Variants in PPP1R13B observed in about 807,000 individuals in gnomAD.
The protein encoded by PPP1R13B is protein phosphatase 1 regulatory subunit 13B, also known as apoptosis-stimulating of p53 protein 1.
In PPP1R13B, 44 loss-of-function variants were observed where a neutral mutation model predicts 119.8. The ratio of observed to expected loss-of-function variants is 0.37; its 90% CI spans 0.29 to 0.47. The LOEUF is 0.47. Ranked by LOEUF, PPP1R13B falls within the 20% of genes least tolerant of loss-of-function variation. The probability of loss-of-function intolerance (pLI) is 0.99; values close to 1 mark genes in which losing one functional copy is unlikely to be tolerated. For synonymous variants in PPP1R13B, 542 were observed against 561.5 expected (o/e 0.97, Z 0.49); for missense variants, 1,227 against 1,413.5 (o/e 0.87, Z 2.12).
In PPP1R13B at chr14:103,738,788, C is replaced by T. The variant is rs371516387; in HGVS notation, c.2755G>A (p.Asp919Asn). The T allele has an allele frequency of 2.5e-6, 4 of 1,614,076 alleles. No homozygotes were observed. Among genetic ancestry groups the T allele is most frequent in the Admixed American group, 1.7e-5 (1 of 60,008 alleles). Reference sequence around the variant, plus strand: ...TTGTGCAGTGGGGTGATCCCTTCGTCGTTGGGCTTGCTGGGATCTTCCACC... The same window carrying T: ...TTGTGCAGTGGGGTGATCCCTTCGTTGTTGGGCTTGCTGGGATCTTCCACC... ...YEVEDPSKPN[D>N]EGITPLHNAV... is the part of the protein sequence containing the mutation. Residue 919 changes from aspartate to asparagine, a missense_variant, in exon 14 of 17, where the codon GAC (aspartate) becomes AAC (asparagine). Asp to Asn is a conservative substitution (Grantham distance 23). Coordinates refer to ENST00000202556, the MANE Select transcript of PPP1R13B (RefSeq NM_015316.3). This position sits in a 1 kb window ranked among gnomAD's most constrained non-coding sequence, Gnocchi z 5.6.
At chr14:103,786,500 C>G (rs2085464616) in intron 2 of PPP1R13B, among the ~76,000 whole-genome samples, 1 of 152,040 alleles carries the variant, frequency 6.6e-6, no homozygotes, top group Admixed American at 6.6e-5. Flanking sequence ...TGGGGTGACT[C>G]ACGCCTGTAA....
At chr14:103,821,813 A>G (rs2152069655) in intron 1 of PPP1R13B, among the ~76,000 whole-genome samples, 1 of 152,218 alleles carries the variant, frequency 6.6e-6, no homozygotes, top group South Asian at 2.1e-4. Context: ...AAATAGATCT[A>G]TAATATGATT....
chr14:103,754,758 A>G lies in PPP1R13B; in HGVS notation c.457-514T>C, dbSNP rs774754503. ...AAATAGTAAGAGCTGCGGGATTTTT[A>G]AGAGAGAGGGTTTTCTTTTTCTTCT... On this transcript the variant is annotated intron_variant, in intron 5 of 16. Coordinates refer to ENST00000202556, the MANE Select transcript of PPP1R13B (RefSeq NM_015316.3). 8.1e-4 allele frequency among the ~76,000 whole-genome samples: 123 copies of G among 151,904 alleles called. 1 individual carries two copies. Among genetic ancestry groups the G allele is most frequent in the Non-Finnish European group, 1.4e-3 (92 of 67,946 alleles).
Position 103,739,932 on chromosome 14 carries a change from G to A in PPP1R13B, c.2484C>T (p.Pro828=), listed in dbSNP as rs1373378726. 5.0e-6 allele frequency: 8 copies of A among 1,614,016 alleles called. No homozygotes were observed. Among genetic ancestry groups the A allele is most frequent in the Non-Finnish European group, 6.8e-6 (8 of 1,180,044 alleles). The change falls in exon 12 of 17, where the codon CCC becomes CCT. Residue 828 remains proline, a synonymous_variant. Coordinates refer to ENST00000202556, the MANE Select transcript of PPP1R13B (RefSeq NM_015316.3). ...CAGGACTCGGGATCTGCTCCGTGGT[G>A]GGGACCGTGGCCACGTTGTTGTTAT... ...EDNNNNVATV[P]TTEQIPSPVA...
intron 1 of PPP1R13B, among the ~76,000 whole-genome samples, chr14:103,829,811 C>T (rs1158908690): frequency 6.6e-6 from 1 of 152,034 alleles, no homozygotes; most frequent in African/African-American, 2.4e-5. Context: ...ACGCAGTCTC[C>T]CTCTGTCACC....
At chr14:103,821,525 G>A (rs900062454) in intron 1 of PPP1R13B, among the ~76,000 whole-genome samples, 1 of 152,202 alleles carries the variant, frequency 6.6e-6, no homozygotes, top group Admixed American at 6.5e-5. Flanking sequence ...GCTGAGGTGG[G>A]CGGATCACCT....
intron 1 of PPP1R13B, among the ~76,000 whole-genome samples, chr14:103,835,595 A>C (rs1175669381): frequency 1.4e-5 from 2 of 145,930 alleles, no homozygotes; most frequent in African/African-American, 2.6e-5. Context: ...ATGTCCTGCT[A>C]ATTTTTATTT....
chr14:103,800,497 A>T (rs938396045), intron 1 of PPP1R13B, among the ~76,000 whole-genome samples: 3 of 151,890 alleles, frequency 2.0e-5, no homozygotes, highest in Non-Finnish European at 4.4e-5. Flanking sequence ...TACTAAAAAT[A>T]CAAAAAATTA....
At chr14:103,827,681 ATATAC>A (rs1240736910) in intron 1 of PPP1R13B, among the ~76,000 whole-genome samples, 28 of 149,780 alleles carry the variant, frequency 1.9e-4, no homozygotes, top group African/African-American at 6.6e-4. Flanking sequence ...TATAGATATG[ATATAC>A]TATATCATTA....
intron 6 of PPP1R13B, among the ~76,000 whole-genome samples, chr14:103,753,476 G>A (rs2084598073): frequency 6.6e-6 from 1 of 152,148 alleles, no homozygotes; most frequent in Admixed American, 6.5e-5. Context: ...TGAGACCAAA[G>A]GTTTTGTGAA....
chr14:103,749,862 T>C lies in PPP1R13B; in HGVS notation c.901A>G (p.Met301Val). The C allele has an allele frequency of 2.5e-6, 4 of 1,614,222 alleles. No homozygotes were observed. The highest frequency in any genetic ancestry group is 3.4e-6 in the Non-Finnish European group (4 of 1,180,046). Residue 301 changes from methionine to valine, a missense_variant, in exon 8 of 17, where the codon ATG becomes GTG. By Grantham distance (21) the Met-to-Val change is conservative. Transcript: ENST00000202556. The part of the protein sequence containing the change: ...QQKELLNKRN[M>V]EVAMMDKRIS... The stretch of plus-strand genomic sequence containing the variant: ...CGCTTGTCCATCATGGCCACCTCCA[T>C]GTTGCGCTTATTTAAGAGTTCCTTC...
At chr14:103,826,455 C>A (rs1168000872) in intron 1 of PPP1R13B, among the ~76,000 whole-genome samples, 1 of 152,096 alleles carries the variant, frequency 6.6e-6, no homozygotes, top group Non-Finnish European at 1.5e-5. Context: ...TCAGGTATTA[C>A]CATGAGAAGT....
At chr14:103,812,059 CAAA>C (rs557000296) in intron 1 of PPP1R13B, among the ~76,000 whole-genome samples, 16 of 57,570 alleles carry the variant, frequency 2.8e-4, no homozygotes, top group East Asian at 6.9e-4. Flanking sequence ...GACTCCCCCT[CAAA>C]AAAAAAAAAA....
intron 1 of PPP1R13B, among the ~76,000 whole-genome samples, chr14:103,828,885 C>T (rs1046921213): frequency 3.9e-5 from 6 of 152,288 alleles, no homozygotes; most frequent in African/African-American, 1.4e-4. Flanking sequence ...TCCAGCCATG[C>T]GTCTTCATTC....
At position 103,734,681 on chromosome 14, in the gene PPP1R13B, A is replaced by G. The variant is rs1431978862; in HGVS notation, c.*473T>C. 1.3e-5 allele frequency: 6 copies of G among 456,944 alleles called. No homozygotes were observed. In the Admixed American group the frequency reaches 1.4e-4, roughly 11 times the overall value. The allele number at this position is 456,944 out of a possible 1,614,324, so 28.3% of individuals were successfully genotyped here. ...AGAGGCTCCTTTGGTGATGAAGGGA[A>G]GAAGGATCATGTGTGGGAAGTGTGA... On this transcript the variant is annotated 3_prime_UTR_variant, in exon 17 of 17. Coordinates refer to ENST00000202556, the MANE Select transcript of PPP1R13B (RefSeq NM_015316.3).
chr14:103,821,448 G>A (rs931206805), intron 1 of PPP1R13B, among the ~76,000 whole-genome samples: 2 of 152,166 alleles, frequency 1.3e-5, no homozygotes, highest in African/African-American at 4.8e-5. Flanking sequence ...CATATCAAGT[G>A]TGAATTATAA....
At chr14:103,747,406 C>T (rs1379095878) in intron 8 of PPP1R13B, 4 of 152,142 alleles carry the variant, frequency 2.6e-5, no homozygotes, top group Non-Finnish European at 4.4e-5. Context: ...ATGAATCTAG[C>T]TGTTTGTGAT....
chr14:103,745,516 T>C (rs560557670), intron 9 of PPP1R13B, among the ~76,000 whole-genome samples: 1 of 152,368 alleles, frequency 6.6e-6, no homozygotes, highest in East Asian at 1.9e-4. Flanking sequence ...TTTAATGCAC[T>C]GGTTGAGAAA....
intron 1 of PPP1R13B, among the ~76,000 whole-genome samples, chr14:103,846,586 A>G (rs1413041380): frequency 6.6e-6 from 1 of 152,236 alleles, no homozygotes; most frequent in Non-Finnish European, 1.5e-5. Flanking sequence ...TTTAAAAATC[A>G]GAATTCAGCA....
Sources: gnomAD v4.1 joint callset for allele counts (sites outside exome capture counted in the v4.1 genomes callset) on GRCh38, gnomAD v4.1.1 for gene constraint, Gnocchi (gnomAD v3.1) non-coding constraint, MANE v1.5 for transcripts, NCBI Gene and HGNC (gene_info 2026-07-23, HGNC 2026-07-21) for gene names.